CHODL: variants seen among roughly 807,000 people sequenced by gnomAD.
CHODL encodes the protein transmembrane protein MT75.
CHODL carries 29 observed loss-of-function variants against 34.5 expected under a neutral mutation model. The ratio of observed to expected loss-of-function variants is 0.84; its 90% CI spans 0.63 to 1.15. The LOEUF (loss-of-function observed/expected upper bound fraction) is 1.15. Ranked by LOEUF, CHODL falls within the 50% of genes most tolerant of loss-of-function variation. CHODL has a pLI of 0.00. For synonymous variants in CHODL, 125 were observed against 116.1 expected (o/e 1.08, Z -0.49); for missense variants, 332 against 332.5 (o/e 1.00, Z 0.01).
chr21:18,094,976 T>G (rs1012237677), intron 2 of CHODL, among the ~76,000 whole-genome samples: 2 of 151,662 alleles, frequency 1.3e-5, no homozygotes, highest in African/African-American at 2.4e-5. Context: ...ATAAAAAAAT[T>G]AGCTGGGTGT....
At chr21:18,222,680 A>G (rs939310735) in intron 2 of CHODL, among the ~76,000 whole-genome samples, 2 of 152,092 alleles carry the variant, frequency 1.3e-5, no homozygotes, top group East Asian at 1.9e-4. Flanking sequence ...CTGTGCTGCA[A>G]TCTTAAGCTT....
chr21:18,057,617 G>T (rs1347152556), intron 2 of CHODL, among the ~76,000 whole-genome samples: 1 of 151,708 alleles, frequency 6.6e-6, no homozygotes, highest in Non-Finnish European at 1.5e-5. Flanking sequence ...ATGCACAATG[G>T]TTTTGCTGCC....
intron 1 of CHODL, among the ~76,000 whole-genome samples, chr21:17,958,730 A>T (rs190138656): frequency 2.5e-4 from 38 of 152,312 alleles, no homozygotes; most frequent in African/African-American, 8.9e-4. Flanking sequence ...TGGAAATATC[A>T]GGAGAGAGCA....
At chr21:17,927,997 A>T (rs765218017) in intron 1 of CHODL, among the ~76,000 whole-genome samples, 8 of 152,214 alleles carry the variant, frequency 5.3e-5, no homozygotes, top group Non-Finnish European at 1.0e-4. Flanking sequence ...ATTCAGCTGG[A>T]AGCATTTGAT....
At chr21:18,070,730 C>A (rs1027843155) in intron 2 of CHODL, among the ~76,000 whole-genome samples, 1 of 152,020 alleles carries the variant, frequency 6.6e-6, no homozygotes. Flanking sequence ...CAAAGAAGTG[C>A]GTTACATACC....
intron 5 of CHODL, among the ~76,000 whole-genome samples, chr21:18,264,731 G>A (rs1196956007): frequency 1.3e-5 from 2 of 152,058 alleles, no homozygotes; most frequent in Non-Finnish European, 2.9e-5. Context: ...CTAGGCACAG[G>A]CTGGAAATGT....
intron 2 of CHODL, among the ~76,000 whole-genome samples, chr21:18,144,504 G>A (rs1034598611): frequency 6.6e-6 from 1 of 152,064 alleles, no homozygotes; most frequent in Non-Finnish European, 1.5e-5. Flanking sequence ...ATGATTTCTA[G>A]TCTACTTCAT....
At chr21:18,072,182 G>A (rs1415671698) in intron 2 of CHODL, among the ~76,000 whole-genome samples, 2 of 150,410 alleles carry the variant, frequency 1.3e-5, no homozygotes, top group Non-Finnish European at 3.0e-5. Flanking sequence ...TAAAAACAAC[G>A]TTAATTCTAA....
At chr21:18,110,948 G>A (rs1356723069) in intron 2 of CHODL, among the ~76,000 whole-genome samples, 1 of 152,006 alleles carries the variant, frequency 6.6e-6, no homozygotes, top group Non-Finnish European at 1.5e-5. Flanking sequence ...TCTGTAAATA[G>A]GGATCTCTTG....
Position 18,263,901 on chromosome 21 carries a change from CTT to C in CHODL, c.737+1022_737+1023del, listed in dbSNP as rs34968795. On this transcript the variant is annotated intron_variant, in intron 5 of 5. Coordinates refer to ENST00000299295, the MANE Select transcript of CHODL (RefSeq NM_024944.3). ...TCTACACAAAAGCCACATTAATAAC[CTT>C]TTTTTTTTTTTTTACCATTTAGACC... 1.1e-3 allele frequency among the ~76,000 whole-genome samples: 151 copies of C among 141,270 alleles called. 1 individual carries two copies. Among genetic ancestry groups the C allele is most frequent in the East Asian group, 2.9e-3 (14 of 4,852 alleles). The allele number at this position is 141,270 out of a possible 152,430, so 92.7% of individuals were successfully genotyped here.
At chr21:18,027,842 G>A (rs1485887806) in intron 1 of CHODL, 1 of 152,556 alleles carries the variant, frequency 6.6e-6, no homozygotes. Flanking sequence ...AAGAGAGCTT[G>A]CTTCCTCTCT....
chr21:18,151,988 C>CTGTGTGTG (rs71941239), intron 2 of CHODL, among the ~76,000 whole-genome samples: 12 of 146,622 alleles, frequency 8.2e-5, no homozygotes, highest in African/African-American at 2.7e-4. Flanking sequence ...GTATATAACT[C>CTGTGTGTG]TGTGTGTGTG....
intron 1 of CHODL, among the ~76,000 whole-genome samples, chr21:17,986,461 A>G (rs2063754567): frequency 6.6e-6 from 1 of 152,154 alleles, no homozygotes; most frequent in African/African-American, 2.4e-5. Context: ...GATGGTTTGC[A>G]GCTTCATCCA....
At chr21:18,202,499 C>T (rs2073665955) in intron 2 of CHODL, among the ~76,000 whole-genome samples, 1 of 152,210 alleles carries the variant, frequency 6.6e-6, no homozygotes, top group African/African-American at 2.4e-5. Flanking sequence ...TTCATACATA[C>T]GTCTTCAGAC....
chr21:18,034,331 G>A (rs539183017), intron 2 of CHODL, among the ~76,000 whole-genome samples: 20 of 152,060 alleles, frequency 1.3e-4, no homozygotes, highest in South Asian at 4.1e-4. Flanking sequence ...AATTGATGTC[G>A]TCATCTTGAA....
intron 2 of CHODL, among the ~76,000 whole-genome samples, chr21:18,038,577 T>C (rs1187153925): frequency 6.6e-6 from 1 of 151,776 alleles, no homozygotes; most frequent in Non-Finnish European, 1.5e-5. Flanking sequence ...GTGTTTCTTA[T>C]GCTTTATTAT....
rs116783471 is a variant in CHODL at position 18,121,769 on chromosome 21, C to A, written c.-45+93798C>A. Among the ~76,000 whole-genome samples, 805 of 152,226 alleles carry A rather than the reference C, an allele frequency of 5.3e-3. 9 individuals carry two copies. The highest frequency in any genetic ancestry group is 0.019 in the African/African-American group (781 of 41,530). On this transcript the variant is annotated intron_variant, in intron 2 of 6. Coordinates refer to the CHODL transcript ENST00000400127. ...TCACACCTGTTTTTAACTCTCTAAC[C>A]ACTGCTAATCACAATTAGAATAAAA...
In CHODL at chr21:18,266,218, C is replaced by T. The variant is rs1437463656; in HGVS notation, c.*180C>T. On this transcript the variant is annotated 3_prime_UTR_variant, in exon 6 of 6. Coordinates refer to ENST00000299295, the MANE Select transcript of CHODL (RefSeq NM_024944.3). The stretch of plus-strand genomic sequence containing the variant: ...TCTATTATTTCATTTAAAGAATATG[C>T]TGTGCTAATAATGGAGTGAGACATG... The T allele has an allele frequency of 3.3e-6, 5 of 1,523,610 alleles. No homozygotes were observed. The highest frequency in any genetic ancestry group is 4.4e-6 in the Non-Finnish European group (5 of 1,134,648). The allele number at this position is 1,523,610 out of a possible 1,614,324, so 94.4% of individuals were successfully genotyped here. A position where few individuals can be genotyped will look rare whatever the true frequency, so the allele number is the denominator to read the frequency against.
chr21:18,080,339 G>T (rs1451776276), intron 2 of CHODL, among the ~76,000 whole-genome samples: 1 of 151,990 alleles, frequency 6.6e-6, no homozygotes, highest in Non-Finnish European at 1.5e-5. Context: ...GTTTAATTAA[G>T]TCTCATTTGT....
Sources: gnomAD v4.1 joint callset for allele counts (sites outside exome capture counted in the v4.1 genomes callset) on GRCh38, gnomAD v4.1.1 for gene constraint, MANE v1.5 for transcripts, NCBI Gene and HGNC (gene_info 2026-07-23, HGNC 2026-07-21) for gene names.